The following GPR101 variants were observed in gnomAD, a reference collection of about 807,000 sequenced individuals.
The protein encoded by GPR101 is probable G protein-coupled receptor 101.
Under a neutral mutation model 16.4 loss-of-function variants are expected in GPR101, and 8 were observed. That is an observed-to-expected ratio of 0.49 (90% CI 0.29 to 0.88). The LOEUF is 0.88. Among genes scored for constraint, GPR101 ranks in the 40% least tolerant of loss-of-function variants. The pLI is 0.09. For synonymous variants in GPR101, 155 were observed against 168.7 expected (o/e 0.92, Z 0.63); for missense variants, 375 against 411.7 (o/e 0.91, Z 0.77).
rs34085967 is a variant in GPR101, at chrX:137,027,295, A to ATTT, written c.*2850_*2852dup. On this transcript the variant is annotated 3_prime_UTR_variant, in exon 2 of 2. Transcript: ENST00000651716. ...TGTCTGGCCCCTGTACTTTAATGGG[A>ATTT]TTTTTTTTTTTTTTTTTACTGCACA... Among the ~76,000 whole-genome samples, 8 of 94,643 alleles carry ATTT rather than the reference A, an allele frequency of 8.5e-5. No individual in the cohort carries two copies. In the South Asian group the frequency reaches 2.6e-3, roughly 31 times the overall value. The allele number at this position is 94,643 out of a possible 115,157, so 82.2% of individuals were successfully genotyped here. A position where few individuals can be genotyped will look rare whatever the true frequency, so the allele number is the denominator to read the frequency against.
At position 137,033,952 on chromosome X, in the gene GPR101, G is replaced by C. The variant is rs940545557; in HGVS notation, c.-243C>G. Among the ~76,000 whole-genome samples, 1 of 111,553 alleles carries C rather than the reference G, an allele frequency of 9.0e-6. No individual in the cohort carries two copies. The highest frequency in any genetic ancestry group is 1.9e-5 in the Non-Finnish European group (1 of 52,752). On this transcript the variant is annotated 5_prime_UTR_variant, in exon 1 of 2. Coordinates refer to ENST00000651716, the MANE Select transcript of GPR101 (RefSeq NM_054021.2). ...GGGCGCGGCAGGAGCGGGGCACAGC[G>C]TCTGTGCCCGCACGTCCGGCCAGCG...
chrX:137,031,811 G>A (rs967449402), intron 1 of GPR101, 45 bp from the exon 2 acceptor site: 12 of 536,668 alleles, frequency 2.2e-5, no homozygotes, highest in Middle Eastern at 5.7e-4. Context: ...CACCCGTCAA[G>A]GGGAGAAGCC....
rs1569454075 is a variant in GPR101 at position 137,030,625 on chromosome X, T to C, written c.1050A>G (p.Glu350=). 1 of 1,211,506 alleles carries C rather than the reference T, an allele frequency of 8.3e-7. No homozygotes were observed. Among genetic ancestry groups the C allele is most frequent in the Admixed American group, 2.2e-5 (1 of 46,055 alleles). Residue 350 remains glutamate, a synonymous_variant, in exon 2 of 2, where the codon GAA becomes GAG. Transcript: ENST00000651716. The stretch of plus-strand genomic sequence containing the variant: ...CGTCTTCACCAAACTCCATGTCATC[T>C]TCACCCAAGTCAATGCTGCACTGGT... ...EVNQCSIDLG[E]DDMEFGEDDI...
chrX:137,032,274 C>T (rs1169109574), intron 1 of GPR101, among the ~76,000 whole-genome samples: 1 of 110,823 alleles, frequency 9.0e-6, no homozygotes, highest in Non-Finnish European at 1.9e-5. Flanking sequence ...TGTCTCTTTC[C>T]TGTTACTCTC....
rs1190736 is a variant in GPR101 at position 137,031,305 on chromosome X, C to G, written c.370G>C (p.Val124Leu). Residue 124 changes from valine to leucine, a missense_variant, in exon 2 of 2, where the codon GTG becomes CTG. Physicochemically the swap from Val to Leu is conservative, Grantham distance 32 (BLOSUM62 1). Transcript: ENST00000651716. Reference protein sequence around the residue: ...FAFASVNTIVVVSVDRYLSII... With the variant: ...FAFASVNTIVLVSVDRYLSII... ...GACAAGTAGCGATCCACTGACACCA[C>G]GACAATGGTGTTGACGCTGGCGAAG... 5 of 1,207,653 alleles carry G rather than the reference C, an allele frequency of 4.1e-6. No homozygotes were observed. Among genetic ancestry groups the G allele is most frequent in the Non-Finnish European group, 5.6e-6 (5 of 893,398 alleles).
Position 137,027,890 on chromosome X carries a change from A to G in GPR101, c.*2258T>C, listed in dbSNP as rs1927191577. On this transcript the variant is annotated 3_prime_UTR_variant, in exon 2 of 2. Transcript: ENST00000651716. ...TTTAACACAATGTTTGGAGACATTT[A>G]TGTTTGAAATCCTGTTTCCTACCCA... is the stretch of plus-strand genomic sequence containing the variant. Among the ~76,000 whole-genome samples, 1 of 112,505 alleles carries G rather than the reference A, an allele frequency of 8.9e-6. No homozygotes were observed. Among genetic ancestry groups the G allele is most frequent in the Non-Finnish European group, 1.9e-5 (1 of 53,321 alleles).
rs754424289 is a variant in GPR101 at position 137,025,326 on chromosome X, A to G, written c.*4822T>C. On this transcript the variant is annotated 3_prime_UTR_variant, in exon 2 of 2. Transcript: ENST00000651716. ...ACATACTACCTTTGAGGACAACACTATCTACAAACACAATCTAATATCTAG... is the reference window on the plus strand; with the variant it reads ...ACATACTACCTTTGAGGACAACACTGTCTACAAACACAATCTAATATCTAG... 8.9e-6 allele frequency among the ~76,000 whole-genome samples: 1 copy of G among 112,598 alleles called. No individual in the cohort carries two copies. Among genetic ancestry groups the G allele is most frequent in the East Asian group, 2.8e-4 (1 of 3,617 alleles).
In GPR101 at chrX:137,031,568, G is replaced by A. The variant is rs749244228; in HGVS notation, c.107C>T (p.Thr36Ile). ...GGCGGCGAGGAAGATAACCAGCACG[G>A]TTGAGCGGATGATGCCGTGGGCCAG... The part of the protein sequence containing the change: ...ISLAHGIIRS[T>I]VLVIFLAASF... The change falls in exon 2 of 2, where the codon ACC (threonine) becomes ATC (isoleucine). Residue 36 changes from threonine to isoleucine, a missense_variant. Thr to Ile is a moderately conservative substitution (Grantham distance 89). Coordinates refer to ENST00000651716, the MANE Select transcript of GPR101 (RefSeq NM_054021.2). 1 of 1,211,773 alleles carries A rather than the reference G, an allele frequency of 8.3e-7. No individual in the cohort carries two copies. Among genetic ancestry groups the A allele is most frequent in the South Asian group, 1.8e-5 (1 of 56,973 alleles).
In GPR101 at chrX:137,031,305, C is replaced by T. The variant is rs1190736; in HGVS notation, c.370G>A (p.Val124Met). Reference sequence around the variant, plus strand: ...GACAAGTAGCGATCCACTGACACCACGACAATGGTGTTGACGCTGGCGAAG... The same window carrying T: ...GACAAGTAGCGATCCACTGACACCATGACAATGGTGTTGACGCTGGCGAAG... The part of the protein sequence containing the change: ...FAFASVNTIV[V>M]VSVDRYLSII... The change falls in exon 2 of 2, where the codon GTG (valine) becomes ATG (methionine). Residue 124 changes from valine to methionine, a missense_variant. Physicochemically the swap from Val to Met is conservative, Grantham distance 21. Transcript: ENST00000651716. 8.3e-7 allele frequency: 1 copy of T among 1,207,652 alleles called. No individual in the cohort carries two copies. The highest frequency in any genetic ancestry group is 1.1e-6 in the Non-Finnish European group (1 of 893,398).
Position 137,024,434 on chromosome X carries a change from AGAG to A in GPR101, c.*5711_*5713del, listed in dbSNP as rs200147252. 0.017 allele frequency among the ~76,000 whole-genome samples: 1,890 copies of A among 112,500 alleles called. 23 individuals carry two copies. Among genetic ancestry groups the A allele is most frequent in the Non-Finnish European group, 0.026 (1,368 of 53,299 alleles). On this transcript the variant is annotated 3_prime_UTR_variant, in exon 2 of 2. Transcript: ENST00000651716. ...TTAAATTCAAACGTTAAAATATTAA[AGAG>A]AACTATTTATTGATTAAATACATTT...
rs1258625106 is a variant in GPR101 at position 137,024,922 on chromosome X, G to T, written c.*5226C>A. Among the ~76,000 whole-genome samples, 1 of 111,739 alleles carries T rather than the reference G, an allele frequency of 8.9e-6. No homozygotes were observed. The highest frequency in any genetic ancestry group is 1.9e-5 in the Non-Finnish European group (1 of 53,157). On this transcript the variant is annotated 3_prime_UTR_variant, in exon 2 of 2. Coordinates refer to ENST00000651716, the MANE Select transcript of GPR101 (RefSeq NM_054021.2). ...AACTGGACTCTACTTGCCTATCCTG[G>T]AGTCCTTCCTTTTTAATGGAGAAGG...
intron 1 of GPR101, among the ~76,000 whole-genome samples, chrX:137,033,148 T>C (rs1203105499): frequency 9.0e-6 from 1 of 110,622 alleles, no homozygotes; most frequent in Non-Finnish European, 1.9e-5. Flanking sequence ...AGGATGCCTA[T>C]TGAGCTCCCC....
In GPR101 at chrX:137,028,718, TC is replaced by T; in HGVS notation, c.*1429del. On this transcript the variant is annotated 3_prime_UTR_variant, in exon 2 of 2. Transcript: ENST00000651716. ...ATGCCCTCAGAAATGTATATGTATA[TC>T]CCTGCCCAAAGTTATTTTGCGGTTT... Among the ~76,000 whole-genome samples the T allele has an allele frequency of 8.9e-6, 1 of 112,416 alleles. No homozygotes were observed. Among genetic ancestry groups the T allele is most frequent in the East Asian group, 2.8e-4 (1 of 3,596 alleles).
chrX:137,024,553 T>C lies in GPR101; in HGVS notation c.*5595A>G, dbSNP rs928080498. On this transcript the variant is annotated 3_prime_UTR_variant, in exon 2 of 2. Transcript: ENST00000651716. ...ATGAGGGTATATATAGTTTTTTAGTTGTAATATTTTGTTCTGAAAATATAA... is the reference window on the plus strand; with the variant it reads ...ATGAGGGTATATATAGTTTTTTAGTCGTAATATTTTGTTCTGAAAATATAA... Among the ~76,000 whole-genome samples, 2 of 112,170 alleles carry C rather than the reference T, an allele frequency of 1.8e-5. No homozygotes were observed. Among genetic ancestry groups the C allele is most frequent in the Non-Finnish European group, 3.8e-5 (2 of 53,281 alleles).
In GPR101 at chrX:137,026,002, G is replaced by A. The variant is rs1927163075; in HGVS notation, c.*4146C>T. Among the ~76,000 whole-genome samples the A allele has an allele frequency of 8.9e-6, 1 of 112,240 alleles. No individual in the cohort carries two copies. Among genetic ancestry groups the A allele is most frequent in the African/African-American group, 3.2e-5 (1 of 30,872 alleles). On this transcript the variant is annotated 3_prime_UTR_variant, in exon 2 of 2. Transcript: ENST00000651716. ...GTCTCCTCATGCCTTAGCTTAGAGG[G>A]GCTTTGAGGGGCCGAGAGCACTAGT...
Position 137,027,918 on chromosome X carries a change from T to C in GPR101, c.*2230A>G, listed in dbSNP as rs926363417. On this transcript the variant is annotated 3_prime_UTR_variant, in exon 2 of 2. Transcript: ENST00000651716. ...TTTGAAATCCTGTTTCCTACCCAAG[T>C]AAGCATTTCTACTCAAAGGATAGGC... is the stretch of plus-strand genomic sequence containing the variant. 3.6e-5 allele frequency among the ~76,000 whole-genome samples: 4 copies of C among 112,397 alleles called. No homozygotes were observed. Among genetic ancestry groups the C allele is most frequent in the Non-Finnish European group, 7.5e-5 (4 of 53,306 alleles).
rs1927253559 is a variant in GPR101 at position 137,031,067 on chromosome X, A to G, written c.608T>C (p.Ile203Thr). Residue 203 changes from isoleucine to threonine, a missense_variant, in exon 2 of 2, where the codon ATT becomes ACT. By Grantham distance (89) the Ile-to-Thr change is moderately conservative (BLOSUM62 -1). Coordinates refer to ENST00000651716, the MANE Select transcript of GPR101 (RefSeq NM_054021.2). Reference sequence around the variant, plus strand: ...GCAGGCAATCATGACAATCAGTGGAATGACGATGAAGGACACCACGCTGAG... The same window carrying G: ...GCAGGCAATCATGACAATCAGTGGAGTGACGATGAAGGACACCACGCTGAG... ...TILSVVSFIV[I>T]PLIVMIACYS... The G allele has an allele frequency of 8.3e-7, 1 of 1,210,653 alleles. No homozygotes were observed. Among genetic ancestry groups the G allele is most frequent in the African/African-American group, 1.7e-5 (1 of 57,378 alleles).
rs750991555 is a variant in GPR101, at chrX:137,029,540, C to G, written c.*608G>C. On this transcript the variant is annotated 3_prime_UTR_variant, in exon 2 of 2. Coordinates refer to ENST00000651716, the MANE Select transcript of GPR101 (RefSeq NM_054021.2). ...CATGTCCTTCTACTTTTCTGGATCC[C>G]TTTAGGGGATCTAGAAACCTTCTTG... Among the ~76,000 whole-genome samples, 2 of 111,775 alleles carry G rather than the reference C, an allele frequency of 1.8e-5. No individual in the cohort carries two copies. Among genetic ancestry groups the G allele is most frequent in the Non-Finnish European group, 3.8e-5 (2 of 53,188 alleles).
chrX:137,031,262 G>A lies in GPR101; in HGVS notation c.413C>T (p.Ser138Phe), dbSNP rs1421687126. 1 of 1,211,643 alleles carries A rather than the reference G, an allele frequency of 8.3e-7. No individual in the cohort carries two copies. Among genetic ancestry groups the A allele is most frequent in the Non-Finnish European group, 1.1e-6 (1 of 895,486 alleles). The change falls in exon 2 of 2, where the codon TCC becomes TTC. Residue 138 changes from serine to phenylalanine, a missense_variant. Ser to Phe is a radical substitution (Grantham distance 155). Transcript: ENST00000651716. Reference protein sequence around the residue: ...DRYLSIIHPLSYPSKMTQRRG... With the variant: ...DRYLSIIHPLFYPSKMTQRRG... ...GCGCTGGGTCATCTTGGACGGGTAGGAGAGAGGGTGGATGATGGACAAGTA... is the reference window on the plus strand; with the variant it reads ...GCGCTGGGTCATCTTGGACGGGTAGAAGAGAGGGTGGATGATGGACAAGTA...
Sources: allele counts gnomAD v4.1 joint callset (sites outside exome capture counted in the v4.1 genomes callset), GRCh38; gene constraint gnomAD v4.1.1; transcripts MANE v1.5; gene names NCBI Gene and HGNC (gene_info 2026-07-23, HGNC 2026-07-21).